The following PTPDC1 variants were observed in gnomAD, a reference collection of about 807,000 sequenced individuals.
PTPDC1 encodes protein tyrosine phosphatase domain-containing protein 1.
A neutral mutation model predicts 75.3 loss-of-function variants in PTPDC1; 53 were observed. The observed-to-expected ratio is 0.70, with a 90% CI of 0.56 to 0.88. The LOEUF is 0.88. PTPDC1 is among the 40% of genes least tolerant of loss of function. The pLI is 0.00. For missense variants in PTPDC1, 925 were observed against 998.6 expected (o/e 0.93, Z 0.99); for synonymous variants, 349 against 366.2 (o/e 0.95, Z 0.54).
chr9:94,054,557 G>A (rs1825877655), intron 1 of PTPDC1, among the ~76,000 whole-genome samples: 2 of 152,214 alleles, frequency 1.3e-5, no homozygotes, highest in Admixed American at 1.3e-4. Context: ...GTGTAAAGGG[G>A]CCACGTTCCT....
chr9:94,076,689 G>A (rs759105004), intron 2 of PTPDC1, among the ~76,000 whole-genome samples: 4 of 151,994 alleles, frequency 2.6e-5, no homozygotes, highest in Non-Finnish European at 4.4e-5. Flanking sequence ...TTTTTCTTGG[G>A]TATTTACCTA....
chr9:94,071,800 T>C (rs1299026812), intron 2 of PTPDC1, among the ~76,000 whole-genome samples: 1 of 152,248 alleles, frequency 6.6e-6, no homozygotes, highest in African/African-American at 2.4e-5. Flanking sequence ...GGGATTTTTA[T>C]AAGAATTAAA....
At chr9:94,086,873 A>G (rs1341265821) in intron 2 of PTPDC1, among the ~76,000 whole-genome samples, 1 of 152,232 alleles carries the variant, frequency 6.6e-6, no homozygotes, top group Non-Finnish European at 1.5e-5. Flanking sequence ...ATTTGAAACC[A>G]AGCCCAACTG....
chr9:94,086,408 C>T (rs571275779), intron 2 of PTPDC1, among the ~76,000 whole-genome samples: 38 of 152,348 alleles, frequency 2.5e-4, no homozygotes, highest in African/African-American at 8.4e-4. Flanking sequence ...TTTCACGTTA[C>T]ATCCCCCTTC....
At chr9:94,083,019 C>T (rs571429451), upstream of PTPDC1, among the ~76,000 whole-genome samples, 1 of 152,192 alleles carries the variant, frequency 6.6e-6, no homozygotes, top group Admixed American at 6.5e-5. Context: ...CAGAGCTCAC[C>T]ACTCTTGTTT....
chr9:94,093,121 G>A lies in PTPDC1; in HGVS notation c.617-2196G>A, dbSNP rs1827392007. ...TATTGTTATGTGTGAATTTGATCCT[G>A]TCATTATGATGTTAGCTGGTTATTT... On this transcript the variant is annotated intron_variant, in intron 4 of 8. Coordinates refer to ENST00000620992, the MANE Select transcript of PTPDC1 (RefSeq NM_001253829.2). Among the ~76,000 whole-genome samples the A allele has an allele frequency of 2.0e-5, 3 of 152,212 alleles. No homozygotes were observed. The South Asian group carries it at 6.2e-4, about 32-fold the overall frequency.
chr9:94,041,454 C>G (rs984158742), intron 1 of PTPDC1, among the ~76,000 whole-genome samples: 1 of 152,154 alleles, frequency 6.6e-6, no homozygotes, highest in Non-Finnish European at 1.5e-5. Flanking sequence ...TACTTTTAGC[C>G]TACACCTTCT....
intron 7 of PTPDC1, among the ~76,000 whole-genome samples, chr9:94,102,788 G>A (rs1269951350): frequency 2.0e-5 from 3 of 152,080 alleles, no homozygotes; most frequent in Non-Finnish European, 4.4e-5. Context: ...ATGTTGGTCA[G>A]GCTGGTCTCA....
chr9:94,051,178 G>T (rs1462019060), intron 1 of PTPDC1, among the ~76,000 whole-genome samples: 5 of 152,168 alleles, frequency 3.3e-5, no homozygotes, highest in Non-Finnish European at 5.9e-5. Context: ...GTGATGCCTC[G>T]CCCTGCTTCG....
upstream of PTPDC1, chr9:94,084,311 C>T: frequency 2.2e-6 from 1 of 461,906 alleles, no homozygotes; most frequent in Non-Finnish European, 3.6e-6. Flanking sequence ...TATATTTGAA[C>T]AATTTGTCCA....
At chr9:94,060,847 G>A (rs1235994239) in intron 1 of PTPDC1, among the ~76,000 whole-genome samples, 1 of 152,058 alleles carries the variant, frequency 6.6e-6, no homozygotes, top group Non-Finnish European at 1.5e-5. Flanking sequence ...TTCAACATTG[G>A]GGATTACAAT....
intron 6 of PTPDC1, chr9:94,101,076 C>A (rs760308993): frequency 6.6e-6 from 1 of 152,254 alleles, no homozygotes. Flanking sequence ...TTGCAGACTT[C>A]GAAGCTCAAA....
intron 1 of PTPDC1, 89 bp from the exon 2 acceptor site, chr9:94,085,162 C>A: frequency 8.5e-7 from 1 of 1,173,594 alleles, no homozygotes; most frequent in South Asian, 1.5e-5. Flanking sequence ...TGTCATCTAC[C>A]ATCCTGAGAT....
rs1308529018 is a variant in PTPDC1 at position 94,097,474 on chromosome 9, A to G, written c.908A>G (p.Asn303Ser). ...ACTCAGTTTCTAACTCCTCTCCGCA[A>G]TATATTCTCTTGCTGTGATCCCAAA... is the stretch of plus-strand genomic sequence containing the variant. ...EFTQFLTPLRNIFSCCDPKAH... is the reference protein window; with the variant it reads ...EFTQFLTPLRSIFSCCDPKAH... The change falls in exon 6 of 9, where the codon AAT becomes AGT. Residue 303 changes from asparagine (N) to serine (S), a missense_variant. Physicochemically the swap from Asn to Ser is conservative, Grantham distance 46 (BLOSUM62 1). Coordinates refer to ENST00000620992, the MANE Select transcript of PTPDC1 (RefSeq NM_001253829.2). 2 of 1,614,186 alleles carry G rather than the reference A, an allele frequency of 1.2e-6. No individual in the cohort carries two copies. The highest frequency in any genetic ancestry group is 2.2e-5 in the South Asian group (2 of 91,092).
intron 1 of PTPDC1, among the ~76,000 whole-genome samples, chr9:94,043,466 C>A (rs1825493180): frequency 6.6e-6 from 1 of 152,062 alleles, no homozygotes; most frequent in African/African-American, 2.4e-5. Context: ...AAAGTTCAAA[C>A]AATACAGAAA....
chr9:94,061,329 G>A (rs915405885), intron 1 of PTPDC1, among the ~76,000 whole-genome samples: 4 of 152,202 alleles, frequency 2.6e-5, no homozygotes, highest in African/African-American at 9.7e-5. Context: ...CTCATGGGCT[G>A]GCATTGAGTG....
chr9:94,102,570 T>G (rs527720368), intron 7 of PTPDC1, among the ~76,000 whole-genome samples: 1 of 152,144 alleles, frequency 6.6e-6, no homozygotes, highest in South Asian at 2.1e-4. Flanking sequence ...TTTGTTTTTG[T>G]TTTTGTTTTT....
rs926539393 is a variant in PTPDC1, at chr9:94,084,550, C to T, written c.20C>T (p.Thr7Ile). Residue 7 changes from threonine (T) to isoleucine (I), a missense_variant, in exon 1 of 9, where the codon ACC becomes ATC. Coordinates refer to ENST00000620992, the MANE Select transcript of PTPDC1 (RefSeq NM_001253829.2). MQVQDA[T>I]RRPSAVRFLS... The stretch of plus-strand genomic sequence containing the variant: ...AGTGCCATGCAGGTGCAGGATGCAA[C>T]CAGGCGGCCCTCAGCCGTGCGCTTC... The T allele has an allele frequency of 1.7e-5, 28 of 1,612,134 alleles. No homozygotes were observed. Among genetic ancestry groups the T allele is most frequent in the Non-Finnish European group, 2.3e-5 (27 of 1,180,022 alleles).
At chr9:94,094,762 C>T (rs77254568) in intron 4 of PTPDC1, among the ~76,000 whole-genome samples, 3 of 152,218 alleles carry the variant, frequency 2.0e-5, no homozygotes, top group African/African-American at 4.8e-5. Context: ...GAGCCAGGTG[C>T]GGGATATAAT....
Sources: allele counts gnomAD v4.1 joint callset (sites outside exome capture counted in the v4.1 genomes callset), GRCh38; gene constraint gnomAD v4.1.1; transcripts MANE v1.5; gene names NCBI Gene and HGNC (gene_info 2026-07-23, HGNC 2026-07-21).